NT5C1A: variants seen among roughly 807,000 people sequenced by gnomAD.
The protein encoded by NT5C1A is 5'-nucleotidase, cytosolic IA.
In NT5C1A, 18 loss-of-function variants were observed where a neutral mutation model predicts 31.0. The ratio of observed to expected loss-of-function variants is 0.58; its 90% CI spans 0.40 to 0.86. The LOEUF (loss-of-function observed/expected upper bound fraction) is 0.86. Ranked by LOEUF, NT5C1A falls within the 40% of genes least tolerant of loss-of-function variation. NT5C1A has a pLI of 0.00. For missense variants in NT5C1A, 470 were observed against 505.4 expected (o/e 0.93, Z 0.67); for synonymous variants, 185 against 203.6 (o/e 0.91, Z 0.78).
chr1:39,657,524 A>C lies in NT5C1A; in HGVS notation c.*1597T>G, dbSNP rs1646469889. Among the ~76,000 whole-genome samples the C allele has an allele frequency of 6.6e-6, 1 of 152,202 alleles. No individual in the cohort carries two copies. Among genetic ancestry groups the C allele is most frequent in the South Asian group, 2.1e-4 (1 of 4,832 alleles). ...GATTCCTCCTAGAAGCCTGGCAATCAGTCCACACACAGATGTCTGCTCACC... is the reference window on the plus strand; with the variant it reads ...GATTCCTCCTAGAAGCCTGGCAATCCGTCCACACACAGATGTCTGCTCACC... On this transcript the variant is annotated 3_prime_UTR_variant, in exon 6 of 6. Coordinates refer to ENST00000235628, the MANE Select transcript of NT5C1A (RefSeq NM_032526.3).
intron 5 of NT5C1A, 124 bp downstream of exon 5, chr1:39,660,955 G>T: frequency 1.6e-6 from 1 of 614,614 alleles, no homozygotes; most frequent in South Asian, 2.3e-5. Flanking sequence ...GAGGGTCGAG[G>T]GGACCAGGCT....
chr1:39,667,353 C>T (rs1646529081), intron 1 of NT5C1A, among the ~76,000 whole-genome samples: 1 of 152,084 alleles, frequency 6.6e-6, no homozygotes, highest in African/African-American at 2.4e-5. Flanking sequence ...AGGTACCCGC[C>T]ACCCCAGACA....
At chr1:39,669,457 TTAAA>T (rs1245342926) in intron 1 of NT5C1A, among the ~76,000 whole-genome samples, 1 of 152,144 alleles carries the variant, frequency 6.6e-6, no homozygotes, top group Non-Finnish European at 1.5e-5. Context: ...CCTTCAGGCG[TTAAA>T]TATTTTACTC....
intron 5 of NT5C1A, among the ~76,000 whole-genome samples, chr1:39,660,162 T>C (rs1646485875): frequency 6.6e-6 from 1 of 152,208 alleles, no homozygotes; most frequent in Admixed American, 6.5e-5. Context: ...AGTGGTCTCC[T>C]GGGCCTCTGC....
chr1:39,668,770 G>A (rs561027343), intron 1 of NT5C1A, among the ~76,000 whole-genome samples: 4 of 152,332 alleles, frequency 2.6e-5, no homozygotes, highest in East Asian at 1.9e-4. Flanking sequence ...GGTTTCTAAC[G>A]GCAGGTCTCT....
Position 39,671,995 on chromosome 1 carries a change from G to T in NT5C1A, c.44C>A (p.Pro15His). 2 of 1,608,706 alleles carry T rather than the reference G, an allele frequency of 1.2e-6. No individual in the cohort carries two copies. Among genetic ancestry groups the T allele is most frequent in the South Asian group, 1.1e-5 (1 of 91,052 alleles). The change falls in exon 1 of 6, where the codon CCC becomes CAC. Residue 15 changes from proline (P) to histidine (H), a missense_variant. By Grantham distance (77) the Pro-to-His change is moderately conservative. Transcript: ENST00000235628. The part of the protein sequence containing the change: ...QPREPQEPRE[P>H]GPGAETAAAP... ...CGCAGCGGTCTCCGCTCCTGGCCCG[G>T]GCTCGCGGGGCTCCTGGGGCTCCCG... is the stretch of plus-strand genomic sequence containing the variant.
chr1:39,666,285 G>A lies in NT5C1A; in HGVS notation c.136-49C>T. 3.2e-6 allele frequency: 5 copies of A among 1,586,386 alleles called. No individual in the cohort carries two copies. The East Asian group carries it at 1.1e-4, about 35-fold the overall frequency. On this transcript the variant is annotated intron_variant, in intron 1 of 5. Transcript: ENST00000235628. ...TTGTCACTCAGATGACTGCCCCTGAGGCAGGCTCACATGTGTGAGTCTCCC... is the reference window on the plus strand; with the variant it reads ...TTGTCACTCAGATGACTGCCCCTGAAGCAGGCTCACATGTGTGAGTCTCCC...
chr1:39,665,668 C>T lies in NT5C1A; in HGVS notation c.304-18G>A, dbSNP rs1009987040. 2 of 1,609,218 alleles carry T rather than the reference C, an allele frequency of 1.2e-6. No individual in the cohort carries two copies. Among genetic ancestry groups the T allele is most frequent in the Non-Finnish European group, 1.7e-6 (2 of 1,177,846 alleles). ...TCCAGAGCCTGGAAAGGAGAGGGCA[C>T]CCCCCAGCTTAGACCCCCAAGGATT... On this transcript the variant is annotated intron_variant, in intron 2 of 5. Coordinates refer to ENST00000235628, the MANE Select transcript of NT5C1A (RefSeq NM_032526.3).
intron 1 of NT5C1A, 40 bp from the exon 2 acceptor site, chr1:39,666,276 T>G (rs1242176844): frequency 6.3e-7 from 1 of 1,597,134 alleles, no homozygotes; most frequent in East Asian, 2.2e-5. Context: ...CTCAGATGAC[T>G]GCCCCTGAGG....
intron 5 of NT5C1A, among the ~76,000 whole-genome samples, chr1:39,659,982 G>A (rs1004676859): frequency 6.6e-6 from 1 of 152,142 alleles, no homozygotes; most frequent in African/African-American, 2.4e-5. Flanking sequence ...CTAGGGTCAA[G>A]GACAATTTAT....
chr1:39,666,492 T>C (rs571101468), intron 1 of NT5C1A, among the ~76,000 whole-genome samples: 9 of 152,262 alleles, frequency 5.9e-5, no homozygotes, highest in African/African-American at 1.9e-4. Flanking sequence ...CCTTGGGAGT[T>C]TGCAATCTAG....
chr1:39,664,501 C>CCCCTCCCCTT, intron 3 of NT5C1A, among the ~76,000 whole-genome samples: 1 of 77,106 alleles, frequency 1.3e-5, no homozygotes, highest in East Asian at 3.6e-4. Flanking sequence ...CTCCTCTCCT[C>CCCCTCCCCTT]TCCTCTCCTC....
At chr1:39,671,361 G>C (rs1216167588) in intron 1 of NT5C1A, among the ~76,000 whole-genome samples, 1 of 152,226 alleles carries the variant, frequency 6.6e-6, no homozygotes, top group Non-Finnish European at 1.5e-5. Context: ...CCCCAGCGCA[G>C]AGTGTGGATC....
intron 1 of NT5C1A, among the ~76,000 whole-genome samples, chr1:39,669,058 G>T (rs1330632152): frequency 6.6e-6 from 1 of 152,196 alleles, no homozygotes; most frequent in Non-Finnish European, 1.5e-5. Flanking sequence ...GGGCATCTAG[G>T]AACAGTTCCT....
chr1:39,664,494 C>T (rs139184621), intron 3 of NT5C1A, among the ~76,000 whole-genome samples: 53 of 31,740 alleles, frequency 1.7e-3, no homozygotes, highest in Non-Finnish European at 1.9e-3. Context: ...ATTTCTCCTC[C>T]TCTCCTCTCC....
In NT5C1A at chr1:39,657,374, C is replaced by T. The variant is rs1646469254; in HGVS notation, c.*1747G>A. Among the ~76,000 whole-genome samples, 2 of 152,228 alleles carry T rather than the reference C, an allele frequency of 1.3e-5. No individual in the cohort carries two copies. The highest frequency in any genetic ancestry group is 2.9e-5 in the Non-Finnish European group (2 of 68,046). ...CCTTTCAGACCCTGAGCTGAGTCCC[C>T]AGAAGGACAAAGATCAAAAACCCCA... On this transcript the variant is annotated 3_prime_UTR_variant, in exon 6 of 6. Coordinates refer to ENST00000235628, the MANE Select transcript of NT5C1A (RefSeq NM_032526.3).
At chr1:39,664,996 C>A (rs1294945136) in intron 3 of NT5C1A, among the ~76,000 whole-genome samples, 4 of 152,192 alleles carry the variant, frequency 2.6e-5, no homozygotes, top group South Asian at 4.1e-4. Flanking sequence ...GAAAGACACC[C>A]CTGTAACCTA....
rs899332555 is a variant in NT5C1A, at chr1:39,657,968, G to T, written c.*1153C>A. On this transcript the variant is annotated 3_prime_UTR_variant, in exon 6 of 6. Coordinates refer to ENST00000235628, the MANE Select transcript of NT5C1A (RefSeq NM_032526.3). ...GCACCTCACCCTGGGGCTCAGCCTG[G>T]ACAACCGCCTACCTCAGCCACTGCA... Among the ~76,000 whole-genome samples the T allele has an allele frequency of 6.6e-6, 1 of 152,176 alleles. No individual in the cohort carries two copies. The highest frequency in any genetic ancestry group is 1.5e-5 in the Non-Finnish European group (1 of 68,032).
At chr1:39,671,794 G>T in intron 1 of NT5C1A, 110 bp downstream of exon 1, 1 of 1,319,002 alleles carries the variant, frequency 7.6e-7, no homozygotes, top group Non-Finnish European at 1.1e-6. Context: ...GGGCTGAGGA[G>T]CTGCGTCCCC....
Sources: gnomAD v4.1 joint callset for allele counts (sites outside exome capture counted in the v4.1 genomes callset) on GRCh38, gnomAD v4.1.1 for gene constraint, MANE v1.5 for transcripts, NCBI Gene and HGNC (gene_info 2026-07-23, HGNC 2026-07-21) for gene names.